The following MELK variants were observed in gnomAD, a reference collection of about 807,000 sequenced individuals.
MELK encodes the protein pEg3 kinase.
Under a neutral mutation model 85.0 loss-of-function variants are expected in MELK, and 81 were observed. That is an observed-to-expected ratio of 0.95 (90% CI 0.80 to 1.15). The LOEUF (loss-of-function observed/expected upper bound fraction) is 1.15. Ranked by LOEUF, MELK falls within the 50% of genes most tolerant of loss-of-function variation. The pLI, the probability that MELK is intolerant of heterozygous loss-of-function variation, is 0.00. For missense variants in MELK, 754 were observed against 777.5 expected (o/e 0.97, Z 0.36); for synonymous variants, 252 against 265.0 (o/e 0.95, Z 0.48).
rs570619247 is a variant in MELK at position 36,599,452 on chromosome 9, A to C, written c.533A>C (p.Glu178Ala). The change falls in exon 7 of 18, where the codon GAG (glutamate) becomes GCG (alanine). Residue 178 changes from glutamate to alanine, a missense_variant. By Grantham distance (107) the Glu-to-Ala change is moderately radical (BLOSUM62 -1). Transcript: ENST00000298048. Reference sequence around the variant, plus strand: ...GGGAGTCTGGCTTATGCAGCACCTGAGTTAATACAAGGCAAATCATATCTT... The same window carrying C: ...GGGAGTCTGGCTTATGCAGCACCTGCGTTAATACAAGGCAAATCATATCTT... ...CCGSLAYAAP[E>A]LIQGKSYLGS... is the part of the protein sequence containing the mutation. 1 of 1,613,356 alleles carries C rather than the reference A, an allele frequency of 6.2e-7. No individual in the cohort carries two copies. The highest frequency in any genetic ancestry group is 1.3e-5 in the African/African-American group (1 of 75,012).
chr9:36,640,092 T>A (rs1829622736), intron 10 of MELK, among the ~76,000 whole-genome samples: 1 of 152,240 alleles, frequency 6.6e-6, no homozygotes, highest in Non-Finnish European at 1.5e-5. Flanking sequence ...TAAACCTTTG[T>A]GGTCTCTACT....
At position 36,677,386 on chromosome 9, in the gene MELK, T is replaced by C; in HGVS notation, c.*49T>C. ...GGATGAGTGTGGGTGTGATACAGCC[T>C]ACATAAAGACTGTTATGATCGCTTT... On this transcript the variant is annotated 3_prime_UTR_variant, in exon 18 of 18. Coordinates refer to ENST00000298048, the MANE Select transcript of MELK (RefSeq NM_014791.4). 6.6e-7 allele frequency: 1 copy of C among 1,507,288 alleles called. No homozygotes were observed. Among genetic ancestry groups the C allele is most frequent in the Non-Finnish European group, 9.0e-7 (1 of 1,114,064 alleles). The allele number at this position is 1,507,288 out of a possible 1,614,324, so 93.4% of individuals were successfully genotyped here.
chr9:36,611,058 A>T (rs1187487024), intron 8 of MELK, among the ~76,000 whole-genome samples: 2 of 152,174 alleles, frequency 1.3e-5, no homozygotes, highest in Non-Finnish European at 2.9e-5. Flanking sequence ...GATTTGGCAT[A>T]TTCAGTCAGT....
At chr9:36,622,933 T>G (rs907311087) in intron 8 of MELK, among the ~76,000 whole-genome samples, 7 of 152,216 alleles carry the variant, frequency 4.6e-5, no homozygotes, top group African/African-American at 1.7e-4. Context: ...TTGCTCTCCT[T>G]TGCAAGTTAA....
At chr9:36,629,741 A>G in intron 8 of MELK, among the ~76,000 whole-genome samples, 1 of 151,862 alleles carries the variant, frequency 6.6e-6, no homozygotes, top group Non-Finnish European at 1.5e-5. Context: ...TTTGTTTTCT[A>G]CTGTTATGTT....
intron 8 of MELK, among the ~76,000 whole-genome samples, chr9:36,618,725 A>G (rs1827103732): frequency 6.6e-6 from 1 of 152,150 alleles, no homozygotes; most frequent in Non-Finnish European, 1.5e-5. Flanking sequence ...TAAACCGTAT[A>G]CTATAATCTG....
At chr9:36,606,531 AT>A (rs1304446643) in intron 7 of MELK, among the ~76,000 whole-genome samples, 12 of 135,004 alleles carry the variant, frequency 8.9e-5, no homozygotes, top group East Asian at 2.1e-4. Context: ...TGTATATAAT[AT>A]ATAATATATA....
rs778092292 is a variant in MELK at position 36,633,119 on chromosome 9, G to T, written c.753G>T (p.Arg251=). The change falls in exon 10 of 18, where the codon CGG becomes CGT. Residue 251 remains arginine (R), a synonymous_variant. Coordinates refer to ENST00000298048, the MANE Select transcript of MELK (RefSeq NM_014791.4). ...GCCACTAGGTGGACCCAAAGAAACG[G>T]ATTTCTATGAAAAATCTATTGAACC... is the stretch of plus-strand genomic sequence containing the variant. ...QQMLQVDPKK[R]ISMKNLLNHP... is the part of the protein sequence containing the mutation. The T allele has an allele frequency of 9.3e-6, 15 of 1,609,134 alleles. No individual in the cohort carries two copies. In the South Asian group the frequency reaches 1.7e-4, roughly 18 times the overall value.
At chr9:36,661,523 A>G (rs1831811235) in intron 13 of MELK, among the ~76,000 whole-genome samples, 1 of 152,242 alleles carries the variant, frequency 6.6e-6, no homozygotes, top group Non-Finnish European at 1.5e-5. Flanking sequence ...AAACTGGTCA[A>G]CCTGATAAAA....
chr9:36,631,564 C>G (rs1407727304), intron 9 of MELK, among the ~76,000 whole-genome samples: 1 of 151,994 alleles, frequency 6.6e-6, no homozygotes, highest in Non-Finnish European at 1.5e-5. Context: ...CCGCACCCAG[C>G]CTGGCCTCTT....
rs1291022350 is a variant in MELK, at chr9:36,589,403, CTCCCAAA to C, written c.145-132_145-126del. The C allele has an allele frequency of 1.2e-5, 8 of 654,574 alleles. No homozygotes were observed. In the African/African-American group the frequency reaches 1.3e-4, roughly 10 times the overall value. The allele number at this position is 654,574 out of a possible 1,614,324, so 40.5% of individuals were successfully genotyped here. A position where few individuals can be genotyped will look rare whatever the true frequency, so the allele number is the denominator to read the frequency against. ...GACCTCATGATCCGCCCGCCTCGGC[CTCCCAAA>C]GTGCGGGATTACAGGTGTGAGCCAC... On this transcript the variant is annotated intron_variant, in intron 3 of 17. Transcript: ENST00000298048.
Position 36,669,981 on chromosome 9 carries a change from C to T in MELK, c.1505+575C>T, listed in dbSNP as rs373297504. Among the ~76,000 whole-genome samples, 43 of 152,214 alleles carry T rather than the reference C, an allele frequency of 2.8e-4. 1 individual carries two copies. In the South Asian group the frequency reaches 7.3e-3, roughly 26 times the overall value. ...GGAGATCAGGAATAAAATGATTTATCAAAGCTATATAGTACAAAGCTGGAG... is the reference window on the plus strand; with the variant it reads ...GGAGATCAGGAATAAAATGATTTATTAAAGCTATATAGTACAAAGCTGGAG... On this transcript the variant is annotated intron_variant, in intron 15 of 17. Transcript: ENST00000298048.
At chr9:36,651,091 A>G (rs956061121) in intron 11 of MELK, among the ~76,000 whole-genome samples, 8 of 152,204 alleles carry the variant, frequency 5.3e-5, no homozygotes, top group Non-Finnish European at 1.2e-4. Flanking sequence ...TTATATACTG[A>G]CTGGTAAATA....
chr9:36,658,532 C>T (rs1195928169), intron 13 of MELK, among the ~76,000 whole-genome samples: 1 of 152,136 alleles, frequency 6.6e-6, no homozygotes. Flanking sequence ...TGTGACATTG[C>T]TCTTACACTT....
chr9:36,663,206 G>C (rs775777784), intron 13 of MELK, among the ~76,000 whole-genome samples: 1 of 151,478 alleles, frequency 6.6e-6, no homozygotes, highest in Non-Finnish European at 1.5e-5. Flanking sequence ...TCAGCCTCCC[G>C]AGTAGCTGGG....
chr9:36,612,659 A>G (rs1204679120), intron 8 of MELK, among the ~76,000 whole-genome samples: 1 of 152,244 alleles, frequency 6.6e-6, no homozygotes. Context: ...CTGGGATTAC[A>G]TGCATTTCTA....
intron 13 of MELK, among the ~76,000 whole-genome samples, chr9:36,661,092 A>G (rs1831765121): frequency 6.6e-6 from 1 of 152,204 alleles, no homozygotes; most frequent in South Asian, 2.1e-4. Flanking sequence ...CTGAGCATGA[A>G]GCTTTGAAGG....
At chr9:36,578,724 A>AC (rs1821895148) in intron 1 of MELK, among the ~76,000 whole-genome samples, 1 of 152,196 alleles carries the variant, frequency 6.6e-6, no homozygotes, top group East Asian at 1.9e-4. Context: ...CAGTCTGATT[A>AC]CTGGCAGGGC....
chr9:36,584,008 T>A (rs1375836412), intron 3 of MELK, among the ~76,000 whole-genome samples: 1 of 152,088 alleles, frequency 6.6e-6, no homozygotes, highest in Non-Finnish European at 1.5e-5. Context: ...TTCTTTATTA[T>A]TTTTTATTTT....
Sources: gnomAD v4.1 joint callset for allele counts (sites outside exome capture counted in the v4.1 genomes callset) on GRCh38, gnomAD v4.1.1 for gene constraint, MANE v1.5 for transcripts, NCBI Gene and HGNC (gene_info 2026-07-23, HGNC 2026-07-21) for gene names.